Variants in FRMD4A observed in about 807,000 individuals in gnomAD.
FRMD4A encodes FERM domain containing 4A, also known as FERM domain-containing protein 4A.
Under a neutral mutation model 129.1 loss-of-function variants are expected in FRMD4A, and 29 were observed. The ratio of observed to expected loss-of-function variants is 0.22; its 90% CI spans 0.17 to 0.31. The LOEUF is 0.31. FRMD4A is among the 10% of genes least tolerant of loss of function. The probability of loss-of-function intolerance (pLI) is 1.00; values close to 1 mark genes in which losing one functional copy is unlikely to be tolerated. For missense variants in FRMD4A, 1,272 were observed against 1,375.8 expected (o/e 0.92, Z 1.19); for synonymous variants, 634 against 571.6 (o/e 1.11, Z -1.56).
At chr10:14,002,993 T>C (rs541612445) in intron 2 of FRMD4A, among the ~76,000 whole-genome samples, 1 of 152,236 alleles carries the variant, frequency 6.6e-6, no homozygotes, top group African/African-American at 2.4e-5. Context: ...AGGGCTGTGA[T>C]TAGGAAAGGC....
rs560140692 is a variant in FRMD4A at position 13,690,750 on chromosome 10, GCTA to G, written c.1117+3145_1117+3147del. Among the ~76,000 whole-genome samples the G allele has an allele frequency of 1.7e-4, 26 of 152,324 alleles. No homozygotes were observed. The East Asian group carries it at 5.0e-3, about 29-fold the overall frequency. On this transcript the variant is annotated intron_variant, in intron 15 of 24. Coordinates refer to ENST00000357447, the MANE Select transcript of FRMD4A (RefSeq NM_018027.5). Reference sequence around the variant, plus strand: ...AGCCGCTCTGCAAGTGGCCCCAGCTGCTACTACTAACTCCTAATCACCTCAGCC... The same window carrying G: ...AGCCGCTCTGCAAGTGGCCCCAGCTGCTACTAACTCCTAATCACCTCAGCC...
chr10:14,253,344 T>C (rs1474478312), intron 2 of FRMD4A, among the ~76,000 whole-genome samples: 1 of 152,222 alleles, frequency 6.6e-6, no homozygotes, highest in Non-Finnish European at 1.5e-5. Flanking sequence ...ATCCCCATAT[T>C]TTGCCAGCAG....
intron 2 of FRMD4A, among the ~76,000 whole-genome samples, chr10:14,065,604 C>G (rs1835019637): frequency 6.6e-6 from 1 of 152,096 alleles, no homozygotes; most frequent in South Asian, 2.1e-4. Flanking sequence ...TCACTCAAGC[C>G]CTGAAAACTT....
chr10:14,045,590 C>T (rs1194792817), intron 2 of FRMD4A, among the ~76,000 whole-genome samples: 1 of 148,072 alleles, frequency 6.8e-6, no homozygotes, highest in Non-Finnish European at 1.5e-5. Flanking sequence ...TTTTTATATA[C>T]AATAAAATAT....
chr10:13,695,264 C>G (rs765107045), intron 14 of FRMD4A, among the ~76,000 whole-genome samples: 1 of 152,086 alleles, frequency 6.6e-6, no homozygotes, highest in Non-Finnish European at 1.5e-5. Context: ...CCTTAGCCTC[C>G]TGAGTAGTGG....
intron 2 of FRMD4A, among the ~76,000 whole-genome samples, chr10:14,318,327 A>G (rs1041341): frequency 4.2e-5 from 3 of 72,122 alleles, no homozygotes; most frequent in Non-Finnish European, 8.1e-5. Context: ...ATCCCCCCCC[A>G]CCTTTTTTTT....
intron 6 of FRMD4A, among the ~76,000 whole-genome samples, chr10:13,772,550 T>C (rs1021875120): frequency 6.6e-6 from 1 of 152,116 alleles, no homozygotes; most frequent in African/African-American, 2.4e-5. Flanking sequence ...TTAGGCCAGT[T>C]TCAGCAGTTC....
At position 13,722,655 on chromosome 10, in the gene FRMD4A, T is replaced by C. The variant is rs117350465; in HGVS notation, c.759+15189A>G. On this transcript the variant is annotated intron_variant, in intron 12 of 24. Transcript: ENST00000357447. ...CTTCACCGCTGCCTAACTAGAGCCA[T>C]AGGATAGTAAACTGGAAGTTCTGGC... is the stretch of plus-strand genomic sequence containing the variant. Among the ~76,000 whole-genome samples, 41 of 152,266 alleles carry C rather than the reference T, an allele frequency of 2.7e-4. No individual in the cohort carries two copies. In the East Asian group the frequency reaches 6.0e-3, roughly 22 times the overall value.
At chr10:14,050,706 C>T (rs568651874) in intron 2 of FRMD4A, among the ~76,000 whole-genome samples, 4 of 152,238 alleles carry the variant, frequency 2.6e-5, no homozygotes, top group African/African-American at 4.8e-5. Context: ...CCAACCACGC[C>T]TATGTAATGA....
chr10:13,965,484 T>C (rs1343073526), intron 2 of FRMD4A, among the ~76,000 whole-genome samples: 1 of 152,208 alleles, frequency 6.6e-6, no homozygotes, highest in East Asian at 1.9e-4. Context: ...ATTTCATATA[T>C]AGGACACACA....
chr10:14,053,372 C>T (rs1378592337), intron 2 of FRMD4A, among the ~76,000 whole-genome samples: 10 of 152,152 alleles, frequency 6.6e-5, no homozygotes, highest in African/African-American at 1.9e-4. Context: ...ATGAGGATTA[C>T]GGGGCAAGGG....
chr10:13,761,721 G>A (rs1263049291), intron 7 of FRMD4A, 52 bp from the exon 8 acceptor site: 1 of 1,248,138 alleles, frequency 8.0e-7, no homozygotes, highest in Non-Finnish European at 1.2e-6. Context: ...CAATGTTAGA[G>A]ACTCTAAAGT....
intron 2 of FRMD4A, among the ~76,000 whole-genome samples, chr10:13,991,116 C>T (rs1038433402): frequency 2.0e-5 from 3 of 152,142 alleles, no homozygotes; most frequent in African/African-American, 7.2e-5. Context: ...TTGGCACTGG[C>T]CCATGACCCA....
chr10:14,158,564 G>A (rs1342425792), intron 2 of FRMD4A, among the ~76,000 whole-genome samples: 1 of 151,894 alleles, frequency 6.6e-6, no homozygotes, highest in Non-Finnish European at 1.5e-5. Flanking sequence ...GAGAGCAATA[G>A]TCATGCCACA....
chr10:13,817,321 T>G (rs752449646), intron 3 of FRMD4A, among the ~76,000 whole-genome samples: 6 of 152,226 alleles, frequency 3.9e-5, no homozygotes, highest in Non-Finnish European at 7.3e-5. Context: ...ATGATTCCAG[T>G]GGGAACTGTT....
chr10:14,305,439 G>C (rs372120482), intron 2 of FRMD4A, among the ~76,000 whole-genome samples: 2 of 152,150 alleles, frequency 1.3e-5, no homozygotes, highest in African/African-American at 4.8e-5. Context: ...TGTATCCCCA[G>C]TATAACAATG....
chr10:14,065,492 G>A (rs376887897), intron 2 of FRMD4A, among the ~76,000 whole-genome samples: 20 of 152,076 alleles, frequency 1.3e-4, no homozygotes, highest in African/African-American at 4.8e-4. Context: ...TAATTCAGTG[G>A]AACTTTGTCT....
chr10:14,104,601 C>T (rs1324774510), intron 2 of FRMD4A, among the ~76,000 whole-genome samples: 2 of 152,206 alleles, frequency 1.3e-5, no homozygotes, highest in South Asian at 4.1e-4. Context: ...TGCTGTAACC[C>T]CAGCCCGACC....
chr10:14,245,337 T>A (rs902664240), intron 2 of FRMD4A, among the ~76,000 whole-genome samples: 3 of 152,192 alleles, frequency 2.0e-5, no homozygotes, highest in African/African-American at 7.2e-5. Context: ...TTTCTATAGT[T>A]TCCTCTTGTG....
Sources: allele counts gnomAD v4.1 joint callset (sites outside exome capture counted in the v4.1 genomes callset), GRCh38; gene constraint gnomAD v4.1.1; transcripts MANE v1.5; gene names NCBI Gene and HGNC (gene_info 2026-07-23, HGNC 2026-07-21).